MOB1B: variants seen among roughly 807,000 people sequenced by gnomAD.
The protein encoded by MOB1B is MOB kinase activator 1B.
MOB1B carries 19 observed loss-of-function variants against 24.4 expected under a neutral mutation model. The ratio of observed to expected loss-of-function variants is 0.78; its 90% CI spans 0.54 to 1.14. The LOEUF is 1.14. Among genes scored for constraint, MOB1B ranks in the 50% most tolerant of loss-of-function variants. The pLI is 0.00. For synonymous variants in MOB1B, 76 were observed against 82.1 expected, an observed-to-expected ratio of 0.93 and a Z score of 0.40; for missense variants, 243 against 259.6, an observed-to-expected ratio of 0.94 and a Z score of 0.44.
In MOB1B at chr4:70,987,945, G is replaced by A. The variant is rs1254544345; in HGVS notation, c.*5888G>A. 6.6e-6 allele frequency: 1 copy of A among 152,608 alleles called. No individual in the cohort carries two copies. Among genetic ancestry groups the A allele is most frequent in the Non-Finnish European group, 1.5e-5 (1 of 68,036 alleles). 9.5% of individuals were successfully genotyped at this position (152,608 alleles called of 1,614,324 possible). A position where few individuals can be genotyped will look rare whatever the true frequency, so the allele number is the denominator to read the frequency against. On this transcript the variant is annotated 3_prime_UTR_variant, in exon 6 of 6. Coordinates refer to ENST00000309395, the MANE Select transcript of MOB1B (RefSeq NM_173468.4). The stretch of plus-strand genomic sequence containing the variant: ...CAAACTGTGCCGGATTATGCAAATT[G>A]TAGTTGTTACTGATCAAAGTTTAAT...
chr4:70,905,832 A>G (rs946923953), intron 1 of MOB1B, among the ~76,000 whole-genome samples: 2 of 151,710 alleles, frequency 1.3e-5, no homozygotes, highest in Non-Finnish European at 2.9e-5. Context: ...TGGGAGGCTG[A>G]GGTGAGTGGA....
chr4:70,973,663 T>G (rs934298755), intron 3 of MOB1B, among the ~76,000 whole-genome samples: 8 of 152,042 alleles, frequency 5.3e-5, no homozygotes, highest in Non-Finnish European at 1.5e-5. Context: ...AAACAGAATA[T>G]CAAGAGGTGT....
intron 1 of MOB1B, among the ~76,000 whole-genome samples, chr4:70,953,232 C>T (rs559626930): frequency 6.6e-6 from 1 of 152,192 alleles, no homozygotes; most frequent in Admixed American, 6.5e-5. Context: ...AGCCACCTTG[C>T]CTGGCCTGTC....
intron 1 of MOB1B, among the ~76,000 whole-genome samples, chr4:70,911,551 C>T (rs949304718): frequency 1.3e-5 from 2 of 151,998 alleles, no homozygotes; most frequent in Admixed American, 1.3e-4. Flanking sequence ...CTTTAGTTTA[C>T]TTTTATCATG....
rs942979563 is a variant in MOB1B, at chr4:70,927,980, CTGCCTTTGTAAA to C, written c.14+25435_14+25446del. ...TCTCAACCTGCTTTGCTCCATCTTT[CTGCCTTTGTAAA>C]TGCCGTTCCTGTTATTCTGGCTGTT... On this transcript the variant is annotated intron_variant, in intron 1 of 5. Coordinates refer to ENST00000309395, the MANE Select transcript of MOB1B (RefSeq NM_173468.4). Among the ~76,000 whole-genome samples, 120 of 152,312 alleles carry C rather than the reference CTGCCTTTGTAAA, an allele frequency of 7.9e-4. 3 individuals carry two copies. Among genetic ancestry groups the C allele is most frequent in the Admixed American group, 6.3e-3 (96 of 15,290 alleles).
chr4:70,944,055 C>T (rs1560647482), intron 1 of MOB1B, among the ~76,000 whole-genome samples: 1 of 147,892 alleles, frequency 6.8e-6, no homozygotes, highest in Non-Finnish European at 1.5e-5. Context: ...ATCTGTAATA[C>T]TTTTTTTTTT....
intron 1 of MOB1B, among the ~76,000 whole-genome samples, chr4:70,904,471 TA>T (rs1297328277): frequency 1.3e-5 from 2 of 151,828 alleles, no homozygotes; most frequent in Non-Finnish European, 1.5e-5. Context: ...CTAAATTGGT[TA>T]AAGCAAGGCC....
chr4:70,911,897 C>CTT (rs202152238), intron 1 of MOB1B, among the ~76,000 whole-genome samples: 10 of 139,744 alleles, frequency 7.2e-5, no homozygotes, highest in Admixed American at 1.4e-4. Context: ...TTAAGGCCAT[C>CTT]TTTTTTTTTT....
intron 2 of MOB1B, among the ~76,000 whole-genome samples, chr4:70,965,710 T>C (rs1371995182): frequency 7.2e-6 from 1 of 138,306 alleles, no homozygotes; most frequent in African/African-American, 2.7e-5. Context: ...GGCAGGAGAA[T>C]GGCGTGAGCC....
chr4:70,918,259 C>T (rs980866118), intron 1 of MOB1B, among the ~76,000 whole-genome samples: 4 of 151,900 alleles, frequency 2.6e-5, no homozygotes, highest in Admixed American at 1.3e-4. Context: ...CCTGAGGAAT[C>T]GCCACACTGA....
At chr4:70,958,709 C>T in intron 1 of MOB1B, 165 bp from the exon 2 acceptor site, 1 of 800,402 alleles carries the variant, frequency 1.2e-6, no homozygotes, top group Non-Finnish European at 2.2e-6. Context: ...TAACTAGACA[C>T]AGCAGAGAAA....
intron 3 of MOB1B, among the ~76,000 whole-genome samples, chr4:70,973,469 CAAA>C (rs528813623): frequency 0.013 from 651 of 49,394 alleles, 1 homozygote; most frequent in African/African-American, 0.037. Context: ...GACCCTGTCT[CAAA>C]AAAAAAAAAA....
At position 70,986,648 on chromosome 4, in the gene MOB1B, A is replaced by T. The variant is rs1485629188; in HGVS notation, c.*4591A>T. Reference sequence around the variant, plus strand: ...TAGAAACACTTTAAGGACTACTCTTAAATAACTTAAATATCAGAGTTTTGT... The same window carrying T: ...TAGAAACACTTTAAGGACTACTCTTTAATAACTTAAATATCAGAGTTTTGT... On this transcript the variant is annotated 3_prime_UTR_variant, in exon 6 of 6. Transcript: ENST00000309395. 6.6e-6 allele frequency: 1 copy of T among 152,192 alleles called. No individual in the cohort carries two copies. Among genetic ancestry groups the T allele is most frequent in the Non-Finnish European group, 1.5e-5 (1 of 67,992 alleles). 9.4% of individuals were successfully genotyped at this position (152,192 alleles called of 1,614,324 possible).
intron 3 of MOB1B, among the ~76,000 whole-genome samples, chr4:70,973,195 A>G (rs984511347): frequency 2.6e-5 from 4 of 152,236 alleles, no homozygotes; most frequent in Non-Finnish European, 4.4e-5. Flanking sequence ...ACATTTAAAT[A>G]TGAATGTGAC....
intron 1 of MOB1B, among the ~76,000 whole-genome samples, chr4:70,916,711 G>A (rs897319955): frequency 6.6e-6 from 1 of 152,160 alleles, no homozygotes; most frequent in African/African-American, 2.4e-5. Context: ...GGGATTACAG[G>A]CATGTGCCAC....
intron 4 of MOB1B, among the ~76,000 whole-genome samples, chr4:70,978,807 G>A (rs1431324573): frequency 2.0e-5 from 3 of 152,140 alleles, no homozygotes; most frequent in African/African-American, 4.8e-5. Context: ...TAAGAAATCC[G>A]ATGATCTGAG....
chr4:70,965,749 A>G (rs1738497863), intron 2 of MOB1B, among the ~76,000 whole-genome samples: 1 of 144,780 alleles, frequency 6.9e-6, no homozygotes, highest in African/African-American at 2.6e-5. Context: ...GCGAGCCGAG[A>G]TCACGCCACT....
chr4:70,914,175 C>G (rs1002024305), intron 1 of MOB1B, among the ~76,000 whole-genome samples: 2 of 152,188 alleles, frequency 1.3e-5, no homozygotes, highest in African/African-American at 2.4e-5. Flanking sequence ...CACCAGACAT[C>G]AAATCTGCTG....
chr4:70,960,267 A>G (rs968511515), intron 2 of MOB1B, among the ~76,000 whole-genome samples: 4 of 152,164 alleles, frequency 2.6e-5, no homozygotes, highest in African/African-American at 9.6e-5. Flanking sequence ...CTTAACTCCT[A>G]CAGAGAATAA....
Sources: allele counts gnomAD v4.1 joint callset (sites outside exome capture counted in the v4.1 genomes callset), GRCh38; gene constraint gnomAD v4.1.1; transcripts MANE v1.5; gene names NCBI Gene and HGNC (gene_info 2026-07-23, HGNC 2026-07-21).